Variants in FCSK observed in about 807,000 individuals in gnomAD.
FCSK encodes fucose kinase.
Under a neutral mutation model 122.5 loss-of-function variants are expected in FCSK, and 123 were observed. The ratio of observed to expected loss-of-function variants is 1.00; its 90% CI spans 0.87 to 1.17. The LOEUF (loss-of-function observed/expected upper bound fraction) is 1.17. FCSK is among the 50% of genes most tolerant of loss of function. The pLI, the probability that FCSK is intolerant of heterozygous loss-of-function variation, is 0.00. For missense variants in FCSK, 1,366 were observed against 1,450.4 expected (o/e 0.94, Z 0.95); for synonymous variants, 620 against 625.5 (o/e 0.99, Z 0.13).
At position 70,463,733 on chromosome 16, in the gene FCSK, C is replaced by T; in HGVS notation, c.193C>T (p.Leu65=). The T allele has an allele frequency of 6.2e-7, 1 of 1,612,370 alleles. No individual in the cohort carries two copies. Among genetic ancestry groups the T allele is most frequent in the Non-Finnish European group, 8.5e-7 (1 of 1,179,910 alleles). Residue 65 remains leucine (L), a synonymous_variant, in exon 3 of 24, where the codon CTG becomes TTG. Coordinates refer to ENST00000288078, the MANE Select transcript of FCSK (RefSeq NM_145059.3). ...GSGGATLNAL[L]VAAEHLSARA... is the part of the protein sequence containing the mutation. ...CGGAGGAGCCACCCTCAACGCCCTG[C>T]TGGTGGCTGCTGAACACCTGAGTGC...
At chr16:70,468,432 G>A (rs113004905) in intron 8 of FCSK, among the ~76,000 whole-genome samples, 17 of 152,122 alleles carry the variant, frequency 1.1e-4, no homozygotes, top group South Asian at 2.1e-4. Flanking sequence ...TCCCCTGCCC[G>A]CTGTAAAACA....
intron 10 of FCSK, 27 bp from the exon 11 acceptor site, chr16:70,470,287 T>TAC: frequency 6.6e-7 from 1 of 1,521,204 alleles, no homozygotes; most frequent in Non-Finnish European, 9.1e-7. Context: ...AGGCATGGGG[T>TAC]TGGGTTCAGT....
chr16:70,475,856 A>G lies in FCSK; in HGVS notation c.2641+89A>G, dbSNP rs1442716990. 5 of 1,323,940 alleles carry G rather than the reference A, an allele frequency of 3.8e-6. No homozygotes were observed. The Admixed American group carries it at 1.4e-4, about 38-fold the overall frequency. The allele number at this position is 1,323,940 out of a possible 1,614,324, so 82.0% of individuals were successfully genotyped here. A position where few individuals can be genotyped will look rare whatever the true frequency, so the allele number is the denominator to read the frequency against. On this transcript the variant is annotated intron_variant, in intron 20 of 23. Transcript: ENST00000288078. ...TGGGGCTCCCCTGGATTTGCATGTG[A>G]TTGGCCAACAGCCACAAGACTGTGC...
At position 70,474,260 on chromosome 16, in the gene FCSK, C is replaced by A. The variant is rs1286101096; in HGVS notation, c.1909C>A (p.Pro637Thr). The A allele has an allele frequency of 6.2e-7, 1 of 1,612,592 alleles. No homozygotes were observed. Among genetic ancestry groups the A allele is most frequent in the Admixed American group, 1.7e-5 (1 of 59,910 alleles). ...GPAANPEWMRPFSYLECGDLA... is the reference protein window; with the variant it reads ...GPAANPEWMRTFSYLECGDLA... ...AGCTGCCAACCCTGAGTGGATGCGGCCCTTCTCATACCTGGAGTGTGGAGA... is the reference window on the plus strand; with the variant it reads ...AGCTGCCAACCCTGAGTGGATGCGGACCTTCTCATACCTGGAGTGTGGAGA... The change falls in exon 16 of 24, where the codon CCC becomes ACC. Residue 637 changes from proline (P) to threonine (T), a missense_variant. Coordinates refer to ENST00000288078, the MANE Select transcript of FCSK (RefSeq NM_145059.3).
intron 1 of FCSK, among the ~76,000 whole-genome samples, chr16:70,456,168 G>GT (rs1289174526): frequency 2.6e-5 from 4 of 152,192 alleles, no homozygotes. Flanking sequence ...GCCGGACCCT[G>GT]TTTCTCAAAA....
At chr16:70,463,411 C>T (rs2048326653) in intron 2 of FCSK, 139 bp downstream of exon 2, 4 of 884,212 alleles carry the variant, frequency 4.5e-6, no homozygotes, top group South Asian at 3.2e-5. Flanking sequence ...TGACAGCATA[C>T]GTGGCATGTC....
intron 2 of FCSK, 68 bp downstream of exon 2, chr16:70,463,340 C>T: frequency 1.4e-6 from 2 of 1,397,838 alleles, no homozygotes; most frequent in Non-Finnish European, 2.0e-6. Context: ...CTATGTCCCT[C>T]CAACACCAGG....
chr16:70,479,017 G>C, intron 22 of FCSK, 163 bp from the exon 23 acceptor site: 1 of 654,274 alleles, frequency 1.5e-6, no homozygotes, highest in Non-Finnish European at 2.7e-6. Flanking sequence ...TTGGTCCTCA[G>C]GCAGTCCTGG....
At chr16:70,460,104 C>CTTT (rs564125150) in intron 1 of FCSK, among the ~76,000 whole-genome samples, 54 of 126,466 alleles carry the variant, frequency 4.3e-4, no homozygotes, top group African/African-American at 1.3e-3. Context: ...CGTCTAGCCT[C>CTTT]TTTTTTTTTT....
In FCSK at chr16:70,468,915, C is replaced by T; in HGVS notation, c.730C>T (p.Pro244Ser). The change falls in exon 9 of 24, where the codon CCC becomes TCC. Residue 244 changes from proline to serine, a missense_variant. Pro to Ser is a moderately conservative substitution (Grantham distance 74). Coordinates refer to ENST00000288078, the MANE Select transcript of FCSK (RefSeq NM_145059.3). ...ERLLATHVSP[P>S]LDACTYLGLD... ...CCTCCTAGCCACCCACGTGAGCCCGCCCCTGGATGCCTGCACCTACCTAGG... is the reference window on the plus strand; with the variant it reads ...CCTCCTAGCCACCCACGTGAGCCCGTCCCTGGATGCCTGCACCTACCTAGG... The T allele has an allele frequency of 4.3e-6, 7 of 1,613,976 alleles. No individual in the cohort carries two copies. Among genetic ancestry groups the T allele is most frequent in the Non-Finnish European group, 5.9e-6 (7 of 1,180,018 alleles).
chr16:70,462,062 T>A (rs189554782), intron 1 of FCSK: 1 of 152,272 alleles, frequency 6.6e-6, no homozygotes, highest in African/African-American at 2.4e-5. Flanking sequence ...GCCACAGATA[T>A]GTACAATGAC....
intron 1 of FCSK, among the ~76,000 whole-genome samples, chr16:70,459,325 T>A (rs1297634835): frequency 6.6e-6 from 1 of 151,520 alleles, no homozygotes. Context: ...TCACCTGAGG[T>A]CAAAAGTTTG....
In FCSK at chr16:70,463,784, C is replaced by T. The variant is rs756213310; in HGVS notation, c.234+10C>T. 8.1e-6 allele frequency: 13 copies of T among 1,599,172 alleles called. No homozygotes were observed. Among genetic ancestry groups the T allele is most frequent in the South Asian group, 1.1e-5 (1 of 89,644 alleles). ...CCGGGCAGGCTTCACTGTGAGTGCTCACCAGGGCCACCTCCCTGGTCTGTG... is the reference window on the plus strand; with the variant it reads ...CCGGGCAGGCTTCACTGTGAGTGCTTACCAGGGCCACCTCCCTGGTCTGTG... On this transcript the variant is annotated intron_variant, in intron 3 of 23. Coordinates refer to ENST00000288078, the MANE Select transcript of FCSK (RefSeq NM_145059.3).
rs370157960 is a variant in FCSK, at chr16:70,473,325, C to T, written c.1749C>T (p.Pro583=). ...LIWAAVREGC[P]GPLLATLDQV... ...GGGCTGCTGTCCGCGAGGGCTGCCC[C>T]GGGCCCCTGCTGGCCACGCTGGACC... Residue 583 remains proline, a synonymous_variant, in exon 15 of 24, where the codon CCC becomes CCT. Transcript: ENST00000288078. This position sits in a 1 kb window ranked among gnomAD's most constrained non-coding sequence, Gnocchi z 4.9. The T allele has an allele frequency of 9.7e-4, 1,464 of 1,512,530 alleles. 2 individuals are homozygous for T. The highest frequency in any genetic ancestry group is 1.2e-3 in the Non-Finnish European group (1,306 of 1,127,432). 93.7% of individuals were successfully genotyped at this position (1,512,530 alleles called of 1,614,324 possible). A position where few individuals can be genotyped will look rare whatever the true frequency, so the allele number is the denominator to read the frequency against.
intron 1 of FCSK, among the ~76,000 whole-genome samples, chr16:70,459,398 G>A (rs1021557334): frequency 6.6e-6 from 1 of 151,888 alleles, no homozygotes; most frequent in Non-Finnish European, 1.5e-5. Context: ...TTAGTCAGGC[G>A]TGGTGGCACA....
At chr16:70,455,620 G>T (rs1188382188) in intron 1 of FCSK, among the ~76,000 whole-genome samples, 1 of 151,404 alleles carries the variant, frequency 6.6e-6, no homozygotes, top group African/African-American at 2.4e-5. Flanking sequence ...GGCCGGGCGA[G>T]GTGGCTCACG....
At chr16:70,474,372 A>T (rs1342468659) in intron 16 of FCSK, 33 bp downstream of exon 16, 3 of 1,602,926 alleles carry the variant, frequency 1.9e-6, no homozygotes, top group Non-Finnish European at 2.6e-6. Flanking sequence ...TCCCTTGGAT[A>T]AGCCCCTTGC....
In FCSK at chr16:70,469,279, G is replaced by C; in HGVS notation, c.911G>C (p.Arg304Pro). ...GTAGCGGGTTATCTGCAGAGCGCCCGGGCCCAGCTGTGGAGGGAGCTTCGC... is the reference window on the plus strand; with the variant it reads ...GTAGCGGGTTATCTGCAGAGCGCCCCGGCCCAGCTGTGGAGGGAGCTTCGC... ...ADVAGYLQSA[R>P]AQLWRELRDQ... is the part of the protein sequence containing the mutation. Residue 304 changes from arginine to proline, a missense_variant, in exon 10 of 24, where the codon CGG (arginine) becomes CCG (proline). Physicochemically the swap from Arg to Pro is moderately radical, Grantham distance 103. Transcript: ENST00000288078. The C allele has an allele frequency of 6.2e-7, 1 of 1,612,114 alleles. No homozygotes were observed. Among genetic ancestry groups the C allele is most frequent in the Non-Finnish European group, 8.5e-7 (1 of 1,179,570 alleles).
At chr16:70,460,911 C>T (rs1473985970) in intron 1 of FCSK, among the ~76,000 whole-genome samples, 2 of 152,198 alleles carry the variant, frequency 1.3e-5, no homozygotes, top group African/African-American at 2.4e-5. Flanking sequence ...GAGGGTTAGA[C>T]GTGCCTACGG....
Sources: allele counts gnomAD v4.1 joint callset (sites outside exome capture counted in the v4.1 genomes callset), GRCh38; gene constraint gnomAD v4.1.1; non-coding constraint Gnocchi (gnomAD v3.1); transcripts MANE v1.5; gene names NCBI Gene and HGNC (gene_info 2026-07-23, HGNC 2026-07-21).